CADM2: variants seen among roughly 807,000 people sequenced by gnomAD.
CADM2 encodes immunoglobulin superfamily member 4D.
Under a neutral mutation model 49.8 loss-of-function variants are expected in CADM2, and 12 were observed. That is an observed-to-expected ratio of 0.24 (90% confidence interval 0.15 to 0.39). CADM2 has a LOEUF of 0.39. CADM2 is among the 10% of genes least tolerant of loss of function. CADM2 has a pLI of 1.00. For missense variants in CADM2, 378 were observed against 492.3 expected (o/e 0.77, Z 2.20); for synonymous variants, 214 against 175.4 (o/e 1.22, Z -1.74).
chr3:85,586,119 G>A (rs116651996), intron 1 of CADM2, among the ~76,000 whole-genome samples: 18 of 151,960 alleles, frequency 1.2e-4, no homozygotes, highest in Non-Finnish European at 2.2e-4. Context: ...CCATTTGTCC[G>A]GTTTTTTACC....
intron 1 of CADM2, among the ~76,000 whole-genome samples, chr3:85,541,655 A>G (rs1284074432): frequency 2.0e-5 from 3 of 147,900 alleles, no homozygotes; most frequent in Admixed American, 1.4e-4. Context: ...AAAAAAAGCA[A>G]CACTAACAAC....
At chr3:85,237,225 G>A (rs1477565384) in intron 1 of CADM2, among the ~76,000 whole-genome samples, 1 of 151,904 alleles carries the variant, frequency 6.6e-6, no homozygotes, top group Non-Finnish European at 1.5e-5. Context: ...TAAGGGAAAT[G>A]AAGGATTGTT....
At chr3:85,198,291 T>G (rs2041397003) in intron 1 of CADM2, among the ~76,000 whole-genome samples, 1 of 151,858 alleles carries the variant, frequency 6.6e-6, no homozygotes, top group Admixed American at 6.6e-5. Context: ...TCAAAATAAT[T>G]ATTCATATAT....
intron 1 of CADM2, among the ~76,000 whole-genome samples, chr3:85,370,135 A>T: frequency 6.6e-6 from 1 of 150,400 alleles, no homozygotes; most frequent in South Asian, 2.1e-4. Context: ...ATCGCTTGAA[A>T]CCGGGAGGGA....
chr3:85,035,796 G>C (rs1312476959), intron 1 of CADM2, among the ~76,000 whole-genome samples: 1 of 152,032 alleles, frequency 6.6e-6, no homozygotes, highest in African/African-American at 2.4e-5. Flanking sequence ...CTGTTTTTAT[G>C]CCAGTATTTG....
chr3:85,937,955 AT>A (rs547578359), intron 7 of CADM2, among the ~76,000 whole-genome samples: 287 of 152,144 alleles, frequency 1.9e-3, no homozygotes, highest in African/African-American at 6.7e-3. Context: ...CCACAAGTAA[AT>A]ATGTATTAAC....
chr3:85,109,030 G>A (rs529108573), intron 1 of CADM2, among the ~76,000 whole-genome samples: 1 of 151,958 alleles, frequency 6.6e-6, no homozygotes, highest in Admixed American at 6.6e-5. Context: ...ATTTTGTGTG[G>A]TTTTTAACAA....
At position 85,938,352 on chromosome 3, in the gene CADM2, C is replaced by T. The variant is rs951747692; in HGVS notation, c.791+2495C>T. On this transcript the variant is annotated intron_variant, in intron 7 of 9. Transcript: ENST00000383699. ...TTACCAGAGTAAAAAGAACAGGATG[C>T]AAATTGAAACGGTTTAATCAGGGAG... Among the ~76,000 whole-genome samples the T allele has an allele frequency of 4.0e-5, 6 of 151,830 alleles. No homozygotes were observed. In the South Asian group the frequency reaches 1.0e-3, roughly 26 times the overall value.
intron 6 of CADM2, among the ~76,000 whole-genome samples, chr3:85,931,909 A>G (rs925453033): frequency 1.1e-4 from 16 of 151,196 alleles, no homozygotes; most frequent in African/African-American, 3.6e-4. Flanking sequence ...TTTTAAATTT[A>G]TTAATTATTA....
chr3:84,990,563 A>G (rs1347319743), intron 1 of CADM2, among the ~76,000 whole-genome samples: 1 of 151,992 alleles, frequency 6.6e-6, no homozygotes, highest in African/African-American at 2.4e-5. Flanking sequence ...TCAGTGATAT[A>G]GAAATTATGG....
At chr3:85,807,480 C>T (rs1263141351) in intron 3 of CADM2, among the ~76,000 whole-genome samples, 1 of 126,314 alleles carries the variant, frequency 7.9e-6, no homozygotes, top group Non-Finnish European at 1.5e-5. Flanking sequence ...GCCTAGGCAT[C>T]GAGAGTGAAA....
intron 3 of CADM2, among the ~76,000 whole-genome samples, chr3:85,806,686 G>T (rs553860309): frequency 1.3e-5 from 2 of 152,242 alleles, no homozygotes; most frequent in Admixed American, 1.3e-4. Flanking sequence ...AGTGAGCTGA[G>T]ATCGCGCTAC....
Position 85,378,761 on chromosome 3 carries a change from A to G in CADM2, c.62-347761A>G, listed in dbSNP as rs190661475. On this transcript the variant is annotated intron_variant, in intron 1 of 9. Transcript: ENST00000383699. Reference sequence around the variant, plus strand: ...AGAGGGGTGAGGGATAAAAGACTACATATTTGGTACAGTGTACACTGCTTG... The same window carrying G: ...AGAGGGGTGAGGGATAAAAGACTACGTATTTGGTACAGTGTACACTGCTTG... Among the ~76,000 whole-genome samples, 25 of 152,048 alleles carry G rather than the reference A, an allele frequency of 1.6e-4. No homozygotes were observed. In the East Asian group the frequency reaches 4.1e-3, roughly 25 times the overall value.
At chr3:85,826,487 T>C (rs1166025454) in intron 3 of CADM2, among the ~76,000 whole-genome samples, 1 of 152,052 alleles carries the variant, frequency 6.6e-6, no homozygotes, top group Non-Finnish European at 1.5e-5. Context: ...ACTTTTTTTA[T>C]GGTTAGCATA....
chr3:85,134,220 C>T (rs992034572), intron 1 of CADM2, among the ~76,000 whole-genome samples: 3 of 152,334 alleles, frequency 2.0e-5, no homozygotes, highest in Non-Finnish European at 2.9e-5. Context: ...CGCGCGCAGC[C>T]CCGGTTCCCG....
chr3:85,454,978 A>G (rs574561991), intron 1 of CADM2, among the ~76,000 whole-genome samples: 1 of 152,336 alleles, frequency 6.6e-6, no homozygotes, highest in Admixed American at 6.5e-5. Flanking sequence ...AAGTCATTGC[A>G]GATAGAAATC....
At chr3:85,809,765 T>C (rs1577363396) in intron 3 of CADM2, among the ~76,000 whole-genome samples, 2 of 53,380 alleles carry the variant, frequency 3.7e-5, no homozygotes, top group East Asian at 4.8e-4. Flanking sequence ...CCTCCCTCCC[T>C]CTCTCTCTCT....
chr3:85,921,414 G>T lies in CADM2; in HGVS notation c.700+8871G>T, dbSNP rs142999099. Among the ~76,000 whole-genome samples the T allele has an allele frequency of 2.0e-4, 31 of 151,954 alleles. No homozygotes were observed. The East Asian group carries it at 5.8e-3, about 29-fold the overall frequency. On this transcript the variant is annotated intron_variant, in intron 6 of 9. Coordinates refer to ENST00000383699, the MANE Select transcript of CADM2 (RefSeq NM_001167675.2). ...TCAATGTATTAGACTTTACTGGATT[G>T]GCTCTTGATATATTAGGAAAGATTG...
chr3:85,530,186 C>G (rs576121135), intron 1 of CADM2, among the ~76,000 whole-genome samples: 1 of 152,186 alleles, frequency 6.6e-6, no homozygotes, highest in Admixed American at 6.5e-5. Flanking sequence ...TCCTTTTTCA[C>G]ACACTTGCTT....
Sources: allele counts gnomAD v4.1 joint callset (sites outside exome capture counted in the v4.1 genomes callset), GRCh38; gene constraint gnomAD v4.1.1; transcripts MANE v1.5; gene names NCBI Gene and HGNC (gene_info 2026-07-23, HGNC 2026-07-21).